The following IGSF11 variants were observed in gnomAD, a reference collection of about 807,000 sequenced individuals.
IGSF11 encodes the protein CXADR like 1.
Under a neutral mutation model 41.0 loss-of-function variants are expected in IGSF11, and 22 were observed. The observed-to-expected ratio is 0.54, with a 90% CI of 0.38 to 0.77. IGSF11 has a LOEUF of 0.77. IGSF11 is among the 30% of genes least tolerant of loss of function. The probability of loss-of-function intolerance (pLI) is 0.00; values close to 1 mark genes in which losing one functional copy is unlikely to be tolerated. For synonymous variants in IGSF11, 219 were observed against 201.3 expected, an observed-to-expected ratio of 1.09 and a Z score of -0.74; for missense variants, 444 against 530.8, an observed-to-expected ratio of 0.84 and a Z score of 1.61.
intron 1 of IGSF11, among the ~76,000 whole-genome samples, chr3:119,045,427 C>T (rs532237627): frequency 6.6e-6 from 1 of 152,256 alleles, no homozygotes; most frequent in Non-Finnish European, 1.5e-5. Context: ...GAATACTGCG[C>T]TTTTGCGACG....
intron 1 of IGSF11, among the ~76,000 whole-genome samples, chr3:118,984,823 G>T (rs1365673095): frequency 6.6e-6 from 1 of 152,166 alleles, no homozygotes; most frequent in African/African-American, 2.4e-5. Flanking sequence ...CAAGGTGAAG[G>T]TGTAGAAGAT....
intron 1 of IGSF11, among the ~76,000 whole-genome samples, chr3:119,088,344 T>C (rs1251097789): frequency 1.3e-5 from 2 of 152,044 alleles, no homozygotes; most frequent in Non-Finnish European, 2.9e-5. Context: ...ACATTGAAAT[T>C]AAGGCAGACA....
In IGSF11 at chr3:118,905,586, A is replaced by G. The variant is rs772107538; in HGVS notation, c.703+10T>C. 1.2e-6 allele frequency: 2 copies of G among 1,613,718 alleles called. No homozygotes were observed. Among genetic ancestry groups the G allele is most frequent in the South Asian group, 2.2e-5 (2 of 91,042 alleles). Reference sequence around the variant, plus strand: ...ACCCATGGTTGACATCAGAATTTCCATATGCTTACGTGAAATAACCTGGAG... The same window carrying G: ...ACCCATGGTTGACATCAGAATTTCCGTATGCTTACGTGAAATAACCTGGAG... On this transcript the variant is annotated intron_variant, in intron 5 of 6. Transcript: ENST00000393775.
At chr3:119,095,168 A>G (rs1431480832) in intron 1 of IGSF11, among the ~76,000 whole-genome samples, 1 of 152,216 alleles carries the variant, frequency 6.6e-6, no homozygotes, top group African/African-American at 2.4e-5. Flanking sequence ...AATCTAATAC[A>G]TACACACTTG....
intron 1 of IGSF11, among the ~76,000 whole-genome samples, chr3:119,048,350 T>C (rs1354188640): frequency 6.6e-6 from 1 of 151,764 alleles, no homozygotes; most frequent in Non-Finnish European, 1.5e-5. Context: ...CAAACTACCA[T>C]CAGAGAATAC....
chr3:118,903,012 T>G (rs372988237), intron 6 of IGSF11, 51 bp from the exon 7 acceptor site: 29 of 1,513,606 alleles, frequency 1.9e-5, no homozygotes, highest in Admixed American at 5.1e-5. Flanking sequence ...AAGTTAATCC[T>G]ATCCTCCTAC....
chr3:118,981,317 A>G (rs1015649585), intron 1 of IGSF11, among the ~76,000 whole-genome samples: 1 of 152,018 alleles, frequency 6.6e-6, no homozygotes, highest in African/African-American at 2.4e-5. Context: ...CTACAGGCAC[A>G]TGCCACCATG....
chr3:118,952,461 T>C (rs914084312), intron 1 of IGSF11, among the ~76,000 whole-genome samples: 18 of 152,294 alleles, frequency 1.2e-4, no homozygotes, highest in Non-Finnish European at 2.1e-4. Flanking sequence ...CTAAATCCTT[T>C]GTTGTCAGTT....
rs565377357 is a variant in IGSF11, at chr3:118,933,825, C to T, written c.53-3550G>A. Among the ~76,000 whole-genome samples the T allele has an allele frequency of 2.0e-5, 3 of 152,282 alleles. No individual in the cohort carries two copies. In the South Asian group the frequency reaches 6.2e-4, roughly 32 times the overall value. ...AGTTAGAAACTCCTTCTACTTCCTG[C>T]TTCTCAATCTGCGAATCAGTTTCAG... On this transcript the variant is annotated intron_variant, in intron 1 of 6. Coordinates refer to ENST00000393775, the MANE Select transcript of IGSF11 (RefSeq NM_001015887.3).
intron 1 of IGSF11, among the ~76,000 whole-genome samples, chr3:119,098,697 T>TAAA (rs1308181117): frequency 6.6e-6 from 1 of 152,240 alleles, no homozygotes; most frequent in African/African-American, 2.4e-5. Context: ...TAAAATATGT[T>TAAA]TTTTAAATTA....
intron 4 of IGSF11, among the ~76,000 whole-genome samples, chr3:118,912,058 T>C (rs1041010425): frequency 2.0e-5 from 3 of 152,158 alleles, no homozygotes; most frequent in Non-Finnish European, 4.4e-5. Flanking sequence ...TTTCAGAAAA[T>C]GTTAACCATT....
At chr3:119,138,100 A>G (rs890412618) in intron 1 of IGSF11, among the ~76,000 whole-genome samples, 5 of 151,522 alleles carry the variant, frequency 3.3e-5, no homozygotes, top group East Asian at 1.9e-4. Context: ...ACCCTTGTAG[A>G]CTGTTGGTGA....
At chr3:119,009,743 G>A (rs974617649) in intron 1 of IGSF11, among the ~76,000 whole-genome samples, 1 of 152,116 alleles carries the variant, frequency 6.6e-6, no homozygotes, top group Non-Finnish European at 1.5e-5. Flanking sequence ...TGATTATTTT[G>A]ATTGTTAAGT....
chr3:118,952,265 C>T (rs1339860839), intron 1 of IGSF11, among the ~76,000 whole-genome samples: 1 of 152,134 alleles, frequency 6.6e-6, no homozygotes, highest in Non-Finnish European at 1.5e-5. Flanking sequence ...TTAATGGTTA[C>T]TGACAGCTTG....
chr3:119,052,803 A>G (rs1009195155), intron 1 of IGSF11, among the ~76,000 whole-genome samples: 4 of 152,198 alleles, frequency 2.6e-5, no homozygotes, highest in Non-Finnish European at 5.9e-5. Flanking sequence ...CACCATTATC[A>G]AGTGGGTTTC....
In IGSF11 at chr3:119,142,168, G is replaced by A. The variant is rs564810445; in HGVS notation, c.-14+3645C>T. Among the ~76,000 whole-genome samples the A allele has an allele frequency of 2.3e-4, 35 of 151,552 alleles. 1 individual carries two copies. Among genetic ancestry groups the A allele is most frequent in the Non-Finnish European group, 4.4e-5 (3 of 67,902 alleles). On this transcript the variant is annotated intron_variant, in intron 1 of 7. Coordinates refer to the IGSF11 transcript ENST00000425327. ...CGGGCACCTGTAGTCCCAGCTACTC[G>A]GGAGGCTGAAGCAGGAGAATGGCGT... is the stretch of plus-strand genomic sequence containing the variant.
chr3:118,998,642 G>GAA (rs1559764060), intron 1 of IGSF11, among the ~76,000 whole-genome samples: 1 of 150,590 alleles, frequency 6.6e-6, no homozygotes, highest in East Asian at 1.9e-4. Context: ...TATTTTAAAA[G>GAA]AAAGCCCCAA....
At chr3:118,938,677 C>T (rs1241423389) in intron 1 of IGSF11, among the ~76,000 whole-genome samples, 1 of 152,130 alleles carries the variant, frequency 6.6e-6, no homozygotes, top group Non-Finnish European at 1.5e-5. Context: ...TTATTTACAT[C>T]CTGGCTACAA....
At chr3:118,944,767 G>C (rs772138078) in intron 1 of IGSF11, 3 of 152,100 alleles carry the variant, frequency 2.0e-5, no homozygotes, top group Admixed American at 6.5e-5. Flanking sequence ...TATTCATCAA[G>C]AACTTATGTG....
Sources: gnomAD v4.1 joint callset for allele counts (sites outside exome capture counted in the v4.1 genomes callset) on GRCh38, gnomAD v4.1.1 for gene constraint, MANE v1.5 for transcripts, NCBI Gene and HGNC (gene_info 2026-07-23, HGNC 2026-07-21) for gene names.